The following FAXC variants were observed in gnomAD, a reference collection of about 807,000 sequenced individuals.
The protein encoded by FAXC is failed axon connections homolog, metaxin like GST domain containing, also known as failed axon connections homolog.
In FAXC, 10 loss-of-function variants were observed where a neutral mutation model predicts 41.9. The observed-to-expected ratio is 0.24, with a 90% CI of 0.15 to 0.41. The LOEUF is 0.41. Among genes scored for constraint, FAXC ranks in the 10% least tolerant of loss-of-function variants. The probability of loss-of-function intolerance (pLI) is 1.00; values close to 1 mark genes in which losing one functional copy is unlikely to be tolerated. For synonymous variants in FAXC, 183 were observed against 183.8 expected, an observed-to-expected ratio of 1.00 and a Z score of 0.03; for missense variants, 399 against 510.9, an observed-to-expected ratio of 0.78 and a Z score of 2.11.
chr6:99,343,061 A>G lies in FAXC; in HGVS notation c.267-28T>C, dbSNP rs200562694. 1,194 of 1,585,592 alleles carry G rather than the reference A, an allele frequency of 7.5e-4. 21 individuals are homozygous for G. In the South Asian group the frequency reaches 0.013, roughly 17 times the overall value. ...GTCAAAACCAAAACAGAAATAAAGT[A>G]CAATCCACATGTTATCCACATTCGG... On this transcript the variant is annotated intron_variant, in intron 1 of 5. Coordinates refer to ENST00000389677, the MANE Select transcript of FAXC (RefSeq NM_032511.4).
At chr6:99,331,423 G>T (rs955682689) in intron 3 of FAXC, among the ~76,000 whole-genome samples, 1 of 152,100 alleles carries the variant, frequency 6.6e-6, no homozygotes, top group Non-Finnish European at 1.5e-5. Flanking sequence ...GTATCAGCTC[G>T]GGGCTGGTGA....
rs554291475 is a variant in FAXC at position 99,284,402 on chromosome 6, G to A, written c.941-2949C>T. On this transcript the variant is annotated intron_variant, in intron 5 of 5. Coordinates refer to ENST00000389677, the MANE Select transcript of FAXC (RefSeq NM_032511.4). ...CCTCAATTCCTGCCCATGATAAAGA[G>A]TGAAACAGAGAGTGGACATCTATAG... Among the ~76,000 whole-genome samples the A allele has an allele frequency of 5.3e-4, 80 of 152,206 alleles. 1 individual carries two copies. The highest frequency in any genetic ancestry group is 1.0e-3 in the Non-Finnish European group (70 of 68,046).
rs1046940157 is a variant in FAXC, at chr6:99,278,605, A to C, written c.*2559T>G. 1.3e-5 allele frequency: 2 copies of C among 152,214 alleles called. No homozygotes were observed. Among genetic ancestry groups the C allele is most frequent in the African/African-American group, 2.4e-5 (1 of 41,454 alleles). The allele number at this position is 152,214 out of a possible 1,614,324, so 9.4% of individuals were successfully genotyped here. On this transcript the variant is annotated 3_prime_UTR_variant, in exon 6 of 6. Coordinates refer to ENST00000389677, the MANE Select transcript of FAXC (RefSeq NM_032511.4). ...TAAAATTAAATCCTTCCGGATAAAG[A>C]CTCACACTATGGTGACTTTGTCTTG...
chr6:99,329,650 G>A (rs1031411853), intron 3 of FAXC, among the ~76,000 whole-genome samples: 1 of 152,054 alleles, frequency 6.6e-6, no homozygotes. Flanking sequence ...ATCTAAAACT[G>A]GGGTGGGGAG....
intron 4 of FAXC, among the ~76,000 whole-genome samples, chr6:99,306,286 G>A (rs1168941101): frequency 1.3e-5 from 2 of 152,198 alleles, no homozygotes; most frequent in Non-Finnish European, 2.9e-5. Flanking sequence ...TGAGACTGGA[G>A]AGGTCAGGCA....
At chr6:99,311,726 G>A (rs1316241690) in intron 4 of FAXC, among the ~76,000 whole-genome samples, 1 of 152,164 alleles carries the variant, frequency 6.6e-6, no homozygotes, top group Non-Finnish European at 1.5e-5. Context: ...CTCATCTGGA[G>A]AATAGCAGCT....
chr6:99,311,897 C>T (rs1389341844), intron 4 of FAXC, among the ~76,000 whole-genome samples: 1 of 152,208 alleles, frequency 6.6e-6, no homozygotes. Flanking sequence ...ACAACTAAGT[C>T]ATTAGCCACT....
rs1021586112 is a variant in FAXC, at chr6:99,290,266, C to A, written c.940+1438G>T. Among the ~76,000 whole-genome samples the A allele has an allele frequency of 3.3e-5, 5 of 152,026 alleles. 1 individual carries two copies. The highest frequency in any genetic ancestry group is 1.2e-4 in the African/African-American group (5 of 41,378). ...CCCACCCCACACATATATGTTCATCCCCTAGCACTGGTTCTACGTATCCTT... is the reference window on the plus strand; with the variant it reads ...CCCACCCCACACATATATGTTCATCACCTAGCACTGGTTCTACGTATCCTT... On this transcript the variant is annotated intron_variant, in intron 5 of 5. Transcript: ENST00000389677.
rs1773722569 is a variant in FAXC at position 99,349,501 on chromosome 6, AGGC to A, written c.-132_-130del. 6.4e-6 allele frequency: 4 copies of A among 626,630 alleles called. No homozygotes were observed. The highest frequency in any genetic ancestry group is 7.9e-6 in the Non-Finnish European group (4 of 505,008). 38.8% of individuals were successfully genotyped at this position (626,630 alleles called of 1,614,324 possible). ...GCGGCGCGGGCGGCGGCGACTGAGGAGGCGGCGGCGACTGAGGAGGCGGCGGCA... is the reference window on the plus strand; with the variant it reads ...GCGGCGCGGGCGGCGGCGACTGAGGAGGCGGCGACTGAGGAGGCGGCGGCA... On this transcript the variant is annotated 5_prime_UTR_variant, in exon 1 of 6. Transcript: ENST00000389677.
At chr6:99,285,306 C>T (rs1770993738) in intron 5 of FAXC, among the ~76,000 whole-genome samples, 1 of 151,862 alleles carries the variant, frequency 6.6e-6, no homozygotes, top group Non-Finnish European at 1.5e-5. Context: ...TGAAAACAGC[C>T]TGAATCTCCA....
At chr6:99,343,219 A>T (rs1752652322) in intron 1 of FAXC, among the ~76,000 whole-genome samples, 186 bp from the exon 2 acceptor site, 1 of 152,078 alleles carries the variant, frequency 6.6e-6, no homozygotes, top group Non-Finnish European at 1.5e-5. Context: ...CACTCATGGA[A>T]GCTTAGTCAA....
At chr6:99,281,685 A>G (rs141016201) in intron 5 of FAXC, among the ~76,000 whole-genome samples, 1 of 152,314 alleles carries the variant, frequency 6.6e-6, no homozygotes, top group African/African-American at 2.4e-5. Flanking sequence ...TTACCATGTG[A>G]GGACACAGCA....
intron 5 of FAXC, among the ~76,000 whole-genome samples, chr6:99,288,859 T>TACAC (rs55895848): frequency 0.087 from 12,717 of 145,702 alleles, 746 homozygotes; most frequent in Admixed American, 0.12. Context: ...CACACACACA[T>TACAC]ACACACACAC....
chr6:99,327,617 A>G (rs569522959), intron 3 of FAXC, among the ~76,000 whole-genome samples: 1 of 152,126 alleles, frequency 6.6e-6, no homozygotes, highest in African/African-American at 2.4e-5. Flanking sequence ...ACACTCGTGG[A>G]GCCATCTAAC....
intron 4 of FAXC, among the ~76,000 whole-genome samples, chr6:99,311,234 T>C (rs1464953393): frequency 6.6e-6 from 1 of 152,160 alleles, no homozygotes; most frequent in African/African-American, 2.4e-5. Flanking sequence ...GCCTCTGCCT[T>C]GTTTCATGAC....
chr6:99,311,131 G>T (rs1262918087), intron 4 of FAXC, among the ~76,000 whole-genome samples: 2 of 152,230 alleles, frequency 1.3e-5, no homozygotes, highest in African/African-American at 4.8e-5. Context: ...ATGCTTTAAA[G>T]CACTGAGACT....
In FAXC at chr6:99,333,282, G is replaced by T; in HGVS notation, c.599+69C>A. The stretch of plus-strand genomic sequence containing the variant: ...GAAAACTGCTGAAACGGTGGAAAGA[G>T]GATCTGAAAAGTGAAACAGAACCTG... On this transcript the variant is annotated intron_variant, in intron 3 of 5. Coordinates refer to ENST00000389677, the MANE Select transcript of FAXC (RefSeq NM_032511.4). 4 of 1,313,588 alleles carry T rather than the reference G, an allele frequency of 3.0e-6. No homozygotes were observed. The South Asian group carries it at 5.7e-5, about 19-fold the overall frequency. 81.4% of individuals were successfully genotyped at this position (1,313,588 alleles called of 1,614,324 possible). A position where few individuals can be genotyped will look rare whatever the true frequency, so the allele number is the denominator to read the frequency against.
At chr6:99,318,802 A>G (rs561306772) in intron 4 of FAXC, among the ~76,000 whole-genome samples, 1 of 152,286 alleles carries the variant, frequency 6.6e-6, no homozygotes, top group East Asian at 1.9e-4. Context: ...GAAATCAAAG[A>G]GCTGGTAAGC....
intron 4 of FAXC, among the ~76,000 whole-genome samples, chr6:99,299,064 A>AT (rs1408627613): frequency 6.6e-6 from 1 of 152,138 alleles, no homozygotes; most frequent in African/African-American, 2.4e-5. Context: ...TTCCTCTGGA[A>AT]TTCACAAAAA....
Sources: allele counts gnomAD v4.1 joint callset (sites outside exome capture counted in the v4.1 genomes callset), GRCh38; gene constraint gnomAD v4.1.1; transcripts MANE v1.5; gene names NCBI Gene and HGNC (gene_info 2026-07-23, HGNC 2026-07-21).